PDLIM3: variants seen among roughly 807,000 people sequenced by gnomAD.
PDLIM3 encodes PDZ and LIM domain 3.
In PDLIM3, 36 loss-of-function variants were observed where a neutral mutation model predicts 37.3. That is an observed-to-expected ratio of 0.97 (90% CI 0.74 to 1.28). PDLIM3 has a LOEUF of 1.28. Ranked by LOEUF, PDLIM3 falls within the 50% of genes most tolerant of loss-of-function variation. The pLI is 0.00. For synonymous variants in PDLIM3, 174 were observed against 182.4 expected (o/e 0.95, Z 0.37); for missense variants, 454 against 485.0 (o/e 0.94, Z 0.60).
At chr4:185,516,485 A>G (rs996112194) in intron 3 of PDLIM3, 2 of 152,178 alleles carry the variant, frequency 1.3e-5, no homozygotes, top group African/African-American at 4.8e-5. Flanking sequence ...AAAGAAGAAA[A>G]AGGAGGAGGA....
At chr4:185,534,787 C>T (rs913928528) in intron 1 of PDLIM3, among the ~76,000 whole-genome samples, 4 of 152,236 alleles carry the variant, frequency 2.6e-5, no homozygotes, top group African/African-American at 9.6e-5. Context: ...ATTAGGAAGA[C>T]TTCCCCTGTC....
At chr4:185,510,511 G>A (rs1423524651) in intron 4 of PDLIM3, among the ~76,000 whole-genome samples, 1 of 152,134 alleles carries the variant, frequency 6.6e-6, no homozygotes, top group Admixed American at 6.5e-5. Flanking sequence ...CAGTCTATTA[G>A]CACACAAATA....
Position 185,527,883 on chromosome 4 carries a change from C to T in PDLIM3, c.94-2712G>A, listed in dbSNP as rs180909636. Among the ~76,000 whole-genome samples the T allele has an allele frequency of 5.1e-4, 78 of 151,972 alleles. 1 individual carries two copies. Among genetic ancestry groups the T allele is most frequent in the African/African-American group, 1.8e-3 (73 of 41,464 alleles). On this transcript the variant is annotated intron_variant, in intron 1 of 7. Coordinates refer to ENST00000284767, the MANE Select transcript of PDLIM3 (RefSeq NM_014476.6). ...TGGGCAAAATAGCAGGACCCTGTCT[C>T]TACAAAAAAATATATTTTTAAAAAG... is the stretch of plus-strand genomic sequence containing the variant.
Position 185,507,847 on chromosome 4 carries a change from G to T in PDLIM3, c.662+452C>A, listed in dbSNP as rs896799907. Among the ~76,000 whole-genome samples, 23 of 152,094 alleles carry T rather than the reference G, an allele frequency of 1.5e-4. 1 individual carries two copies. Among genetic ancestry groups the T allele is most frequent in the East Asian group, 1.2e-3 (6 of 5,182 alleles). On this transcript the variant is annotated intron_variant, in intron 5 of 7. Coordinates refer to ENST00000284767, the MANE Select transcript of PDLIM3 (RefSeq NM_014476.6). Reference sequence around the variant, plus strand: ...CACAAGCTGCTATCAGAAGAGAGAAGAATCATCTCATAAAATTCCTCTAAA... The same window carrying T: ...CACAAGCTGCTATCAGAAGAGAGAATAATCATCTCATAAAATTCCTCTAAA...
chr4:185,524,901 AG>A (rs2095730237), intron 2 of PDLIM3, 118 bp downstream of exon 2: 1 of 941,760 alleles, frequency 1.1e-6, no homozygotes, highest in African/African-American at 1.6e-5. Flanking sequence ...ATATATAAAA[AG>A]TCAGCCAAAA....
chr4:185,508,624 G>A, intron 4 of PDLIM3, 62 bp from the exon 5 acceptor site: 6 of 1,519,846 alleles, frequency 3.9e-6, no homozygotes, highest in Non-Finnish European at 5.5e-6. Context: ...CCAGACAGAA[G>A]AACACAGAGA....
chr4:185,522,569 C>G (rs1188823063), intron 3 of PDLIM3, among the ~76,000 whole-genome samples: 1 of 66,644 alleles, frequency 1.5e-5, no homozygotes, highest in African/African-American at 2.7e-5. Flanking sequence ...CTGGGAATAT[C>G]TAATCAGTTT....
At chr4:185,527,287 T>C (rs2153338723) in intron 1 of PDLIM3, among the ~76,000 whole-genome samples, 1 of 152,384 alleles carries the variant, frequency 6.6e-6, no homozygotes, top group East Asian at 1.9e-4. Flanking sequence ...TTTCTAATGC[T>C]TTATTTAGGG....
chr4:185,501,390 G>A lies in PDLIM3; in HGVS notation c.*904C>T, dbSNP rs139597307. Reference sequence around the variant, plus strand: ...GTCGTCTAAATTGTTTCTTCCTGGAGATGCCATCTTGGGAAGAGGAGGAGG... The same window carrying A: ...GTCGTCTAAATTGTTTCTTCCTGGAAATGCCATCTTGGGAAGAGGAGGAGG... On this transcript the variant is annotated 3_prime_UTR_variant, in exon 8 of 8. Coordinates refer to ENST00000284767, the MANE Select transcript of PDLIM3 (RefSeq NM_014476.6). The A allele has an allele frequency of 8.5e-5, 13 of 152,302 alleles. No individual in the cohort carries two copies. The highest frequency in any genetic ancestry group is 1.6e-4 in the Non-Finnish European group (11 of 68,118). The allele number at this position is 152,302 out of a possible 1,614,324, so 9.4% of individuals were successfully genotyped here.
Position 185,514,116 on chromosome 4 carries a change from C to T in PDLIM3, c.398+154G>A. ...AAATGCAAGTTATTTGGCTTCTGTT[C>T]TCTGCCAAGTGAGTTTGTTTCTTTT... On this transcript the variant is annotated intron_variant, in intron 4 of 7. Transcript: ENST00000284767. The surrounding 1 kb of genome is among the most constrained non-coding windows in gnomAD (Gnocchi z 4.0). 1.3e-6 allele frequency: 2 copies of T among 1,529,382 alleles called. No homozygotes were observed. The highest frequency in any genetic ancestry group is 1.4e-5 in the African/African-American group (1 of 72,558). The allele number at this position is 1,529,382 out of a possible 1,614,324, so 94.7% of individuals were successfully genotyped here. A position where few individuals can be genotyped will look rare whatever the true frequency, so the allele number is the denominator to read the frequency against.
At chr4:185,526,208 G>A (rs1255285331) in intron 1 of PDLIM3, among the ~76,000 whole-genome samples, 1 of 152,206 alleles carries the variant, frequency 6.6e-6, no homozygotes, top group Non-Finnish European at 1.5e-5. Context: ...AAGATCCAGT[G>A]TGAGTTAACA....
chr4:185,503,229 A>G (rs1245919927), intron 7 of PDLIM3, among the ~76,000 whole-genome samples: 1 of 83,970 alleles, frequency 1.2e-5, no homozygotes, highest in African/African-American at 3.1e-5. Flanking sequence ...CTCAAAAACA[A>G]CAACAACAAT....
intron 1 of PDLIM3, among the ~76,000 whole-genome samples, chr4:185,531,701 A>T (rs1206969468): frequency 2.0e-5 from 3 of 152,140 alleles, no homozygotes; most frequent in Admixed American, 2.0e-4. Flanking sequence ...AGCTGATTTA[A>T]TGGGGACTCG....
At chr4:185,534,167 C>T (rs1353775062) in intron 1 of PDLIM3, among the ~76,000 whole-genome samples, 2 of 152,100 alleles carry the variant, frequency 1.3e-5, no homozygotes, top group African/African-American at 2.4e-5. Flanking sequence ...CCATTGTATG[C>T]GTCTGTAGGA....
At chr4:185,535,267 G>C in intron 1 of PDLIM3, 75 bp downstream of exon 1, 1 of 1,342,152 alleles carries the variant, frequency 7.5e-7, no homozygotes, top group East Asian at 2.6e-5. Context: ...CCTCGGCCCC[G>C]GGGCATCCAC....
At chr4:185,506,437 TC>T in intron 6 of PDLIM3, 84 bp downstream of exon 6, 1 of 1,556,236 alleles carries the variant, frequency 6.4e-7, no homozygotes, top group Non-Finnish European at 8.8e-7. Context: ...AGACTTTCAT[TC>T]CCAGTATGTT....
intron 4 of PDLIM3, chr4:185,513,999 A>C: frequency 7.6e-7 from 1 of 1,313,942 alleles, no homozygotes. Context: ...TCTGGATGGG[A>C]TCCCCAGAGC....
chr4:185,519,374 C>T lies in PDLIM3; in HGVS notation c.330+3988G>A, dbSNP rs965634305. 2.6e-5 allele frequency among the ~76,000 whole-genome samples: 4 copies of T among 152,318 alleles called. No homozygotes were observed. In the East Asian group the frequency reaches 7.7e-4, roughly 29 times the overall value. On this transcript the variant is annotated intron_variant, in intron 3 of 7. Transcript: ENST00000284767. ...GATCTTGGCTCACTGCAACCTCCACCTCTTGGGTTCAAGTGATTCTCCTGC... is the reference window on the plus strand; with the variant it reads ...GATCTTGGCTCACTGCAACCTCCACTTCTTGGGTTCAAGTGATTCTCCTGC...
chr4:185,523,578 T>TTC, intron 2 of PDLIM3, 132 bp from the exon 3 acceptor site: 1 of 630,162 alleles, frequency 1.6e-6, no homozygotes, highest in Non-Finnish European at 2.8e-6. Flanking sequence ...ATTTTTTTTT[T>TTC]TGCTGATTAT....
Sources: gnomAD v4.1 joint callset for allele counts (sites outside exome capture counted in the v4.1 genomes callset) on GRCh38, gnomAD v4.1.1 for gene constraint, Gnocchi (gnomAD v3.1) non-coding constraint, MANE v1.5 for transcripts, NCBI Gene and HGNC (gene_info 2026-07-23, HGNC 2026-07-21) for gene names.